YWHAE: variants seen among roughly 807,000 people sequenced by gnomAD.
YWHAE encodes the protein 14-3-3 protein epsilon.
A neutral mutation model predicts 30.1 loss-of-function variants in YWHAE; 4 were observed. The ratio of observed to expected loss-of-function variants is 0.13; its 90% CI spans 0.07 to 0.30. The LOEUF is 0.30. Among genes scored for constraint, YWHAE ranks in the 10% least tolerant of loss-of-function variants. YWHAE has a pLI of 1.00. For missense variants in YWHAE, 121 were observed against 315.9 expected (o/e 0.38, Z 4.68); for synonymous variants, 118 against 111.8 (o/e 1.06, Z -0.35).
intron 1 of YWHAE, among the ~76,000 whole-genome samples, chr17:1,370,196 G>C (rs139812944): frequency 7.1e-6 from 1 of 139,914 alleles, no homozygotes; most frequent in Non-Finnish European, 1.5e-5. Flanking sequence ...GCGTGATCTC[G>C]GCTCACTGCA....
At chr17:1,365,103 T>C (rs1322240284) in intron 1 of YWHAE, 45 bp from the exon 2 acceptor site, 1 of 1,580,520 alleles carries the variant, frequency 6.3e-7, no homozygotes, top group African/African-American at 1.4e-5. Context: ...TTTGAAGTTT[T>C]CTTAACATAT....
chr17:1,363,628 T>C (rs754238322), intron 2 of YWHAE, among the ~76,000 whole-genome samples: 1 of 152,178 alleles, frequency 6.6e-6, no homozygotes, highest in Non-Finnish European at 1.5e-5. Flanking sequence ...GTTTGTGCAT[T>C]CATAGTTGGG....
chr17:1,390,975 T>C (rs1375745341), intron 1 of YWHAE, among the ~76,000 whole-genome samples: 3 of 152,240 alleles, frequency 2.0e-5, no homozygotes, highest in Admixed American at 6.5e-5. Flanking sequence ...TAAATTTTTA[T>C]GTGGGTATTT....
At chr17:1,353,584 G>C (rs1027958608) in intron 5 of YWHAE, among the ~76,000 whole-genome samples, 1 of 152,032 alleles carries the variant, frequency 6.6e-6, no homozygotes, top group East Asian at 1.9e-4. Context: ...CCAACATGGA[G>C]AAATCCCGTC....
At chr17:1,380,377 G>GCGTGAGCCA (rs2073188498) in intron 1 of YWHAE, among the ~76,000 whole-genome samples, 1 of 152,090 alleles carries the variant, frequency 6.6e-6, no homozygotes, top group African/African-American at 2.4e-5. Flanking sequence ...CTTCCAAAGT[G>GCGTGAGCCA]CGTGAGCCAC....
intron 1 of YWHAE, among the ~76,000 whole-genome samples, chr17:1,377,727 C>A (rs1309054445): frequency 2.6e-5 from 4 of 152,182 alleles, no homozygotes; most frequent in Admixed American, 6.5e-5. Context: ...CATCATCCCT[C>A]TGGATCAAAC....
intron 1 of YWHAE, among the ~76,000 whole-genome samples, chr17:1,395,519 G>A (rs2073455912): frequency 6.6e-6 from 1 of 152,052 alleles, no homozygotes; most frequent in South Asian, 2.1e-4. Flanking sequence ...ACAGAGCCCA[G>A]TCGTAGAAGG....
At chr17:1,395,507 G>T (rs1346091948) in intron 1 of YWHAE, among the ~76,000 whole-genome samples, 1 of 151,978 alleles carries the variant, frequency 6.6e-6, no homozygotes, top group South Asian at 2.1e-4. Context: ...CCAGCCTGGG[G>T]GACAGAGCCC....
At chr17:1,357,565 G>T (rs2072772594) in intron 4 of YWHAE, among the ~76,000 whole-genome samples, 2 of 151,710 alleles carry the variant, frequency 1.3e-5, no homozygotes, top group South Asian at 4.2e-4. Flanking sequence ...CAGCAGCAGA[G>T]TGAGACTCCG....
At chr17:1,377,570 T>C (rs1451446999) in intron 1 of YWHAE, among the ~76,000 whole-genome samples, 3 of 152,134 alleles carry the variant, frequency 2.0e-5, no homozygotes, top group African/African-American at 7.2e-5. Flanking sequence ...GCTATGATCA[T>C]GCCACTGCAC....
At chr17:1,384,100 G>A (rs1202176887) in intron 1 of YWHAE, among the ~76,000 whole-genome samples, 1 of 152,172 alleles carries the variant, frequency 6.6e-6, no homozygotes, top group African/African-American at 2.4e-5. Context: ...AGCCACTCGG[G>A]AAGATGAGGC....
At chr17:1,363,035 C>A (rs2072887602) in intron 2 of YWHAE, among the ~76,000 whole-genome samples, 1 of 152,096 alleles carries the variant, frequency 6.6e-6, no homozygotes, top group Non-Finnish European at 1.5e-5. Context: ...GCAAACCCAC[C>A]CAATACCTGA....
intron 5 of YWHAE, among the ~76,000 whole-genome samples, chr17:1,350,000 T>G (rs1249735307): frequency 6.7e-6 from 1 of 150,366 alleles, no homozygotes; most frequent in Non-Finnish European, 1.5e-5. Context: ...TTGCCCAGGC[T>G]GGAGTGCAAC....
chr17:1,379,349 G>A (rs916484884), intron 1 of YWHAE, among the ~76,000 whole-genome samples: 5 of 152,142 alleles, frequency 3.3e-5, no homozygotes, highest in Non-Finnish European at 7.4e-5. Flanking sequence ...GCCGGGCGTG[G>A]TGGCACACAC....
chr17:1,394,301 A>G (rs1045658784), intron 1 of YWHAE, among the ~76,000 whole-genome samples: 3 of 152,118 alleles, frequency 2.0e-5, no homozygotes, highest in Non-Finnish European at 4.4e-5. Context: ...GAGGTACTGC[A>G]TAATGTCATA....
At chr17:1,393,211 C>T (rs2073415385) in intron 1 of YWHAE, among the ~76,000 whole-genome samples, 1 of 150,796 alleles carries the variant, frequency 6.6e-6, no homozygotes, top group South Asian at 2.1e-4. Flanking sequence ...AAAACAGCTA[C>T]TTAAGAGGCT....
chr17:1,361,041 C>A (rs748215861), intron 4 of YWHAE, 51 bp downstream of exon 4: 79 of 1,536,354 alleles, frequency 5.1e-5, no homozygotes, highest in Non-Finnish European at 6.9e-5. Context: ...ACCCAAACAG[C>A]GCCCCCCTTA....
intron 3 of YWHAE, 77 bp from the exon 4 acceptor site, chr17:1,361,375 T>C (rs2072862776): frequency 3.3e-6 from 4 of 1,224,324 alleles, no homozygotes; most frequent in Middle Eastern, 2.0e-4. Flanking sequence ...AAGCTAAAAT[T>C]GTTCTATATT....
intron 4 of YWHAE, among the ~76,000 whole-genome samples, chr17:1,358,759 G>C (rs965074641): frequency 4.6e-5 from 7 of 151,192 alleles, no homozygotes; most frequent in Non-Finnish European, 8.8e-5. Flanking sequence ...GAATCTGGGA[G>C]GTGGAGGTTG....
Sources: allele counts gnomAD v4.1 joint callset (sites outside exome capture counted in the v4.1 genomes callset), GRCh38; gene constraint gnomAD v4.1.1; transcripts MANE v1.5; gene names NCBI Gene and HGNC (gene_info 2026-07-23, HGNC 2026-07-21).